Variants in RAD23B observed in about 807,000 individuals in gnomAD.
The protein encoded by RAD23B is lysine-specific demethylase RAD23B.
Under a neutral mutation model 49.1 loss-of-function variants are expected in RAD23B, and 5 were observed. That is an observed-to-expected ratio of 0.10 (90% CI 0.05 to 0.21). The LOEUF (loss-of-function observed/expected upper bound fraction) is 0.21. Ranked by LOEUF, RAD23B falls within the 10% of genes least tolerant of loss-of-function variation. The pLI, the probability that RAD23B is intolerant of heterozygous loss-of-function variation, is 1.00. For synonymous variants in RAD23B, 184 were observed against 165.4 expected (o/e 1.11, Z -0.86); for missense variants, 356 against 486.7 (o/e 0.73, Z 2.53).
chr9:107,286,975 T>C (rs1020010314), intron 1 of RAD23B, among the ~76,000 whole-genome samples: 2 of 151,374 alleles, frequency 1.3e-5, no homozygotes, highest in African/African-American at 4.9e-5. Flanking sequence ...CTTGGGAGGC[T>C]GAGGCAGGAG....
rs779086806 is a variant in RAD23B, at chr9:107,311,727, G to A, written c.543G>A (p.Thr181=). The change falls in exon 5 of 10, where the codon ACG becomes ACA. Residue 181 remains threonine (T), a synonymous_variant. Transcript: ENST00000358015. The part of the protein sequence containing the change: ...SSRSNLFEDA[T]SALVTGQSYE... ...GGTCAAACCTTTTTGAAGATGCAAC[G>A]AGTGCACTTGGTAAGTATCTGCTTT... 3 of 1,568,762 alleles carry A rather than the reference G, an allele frequency of 1.9e-6. No homozygotes were observed. Among genetic ancestry groups the A allele is most frequent in the African/African-American group, 2.8e-5 (2 of 71,602 alleles).
chr9:107,284,835 C>T, intron 1 of RAD23B: 1 of 1,226,792 alleles, frequency 8.2e-7, no homozygotes, highest in South Asian at 1.3e-5. Flanking sequence ...TTTGCTATGA[C>T]CTTGGGCAAA....
intron 9 of RAD23B, among the ~76,000 whole-genome samples, chr9:107,327,989 T>C (rs960936834): frequency 1.3e-5 from 2 of 152,340 alleles, no homozygotes; most frequent in Admixed American, 6.5e-5. Flanking sequence ...TCCTCTGATA[T>C]AGCCATTCTA....
At chr9:107,289,514 G>T (rs1833342964) in intron 1 of RAD23B, among the ~76,000 whole-genome samples, 3 of 152,108 alleles carry the variant, frequency 2.0e-5, no homozygotes, top group Admixed American at 2.0e-4. Flanking sequence ...GATTTTTAAA[G>T]GTTACTTTGA....
At chr9:107,317,575 A>G (rs1827021549) in intron 5 of RAD23B, among the ~76,000 whole-genome samples, 1 of 151,996 alleles carries the variant, frequency 6.6e-6, no homozygotes, top group South Asian at 2.1e-4. Flanking sequence ...TTTTTGTTTT[A>G]GAGTGAAATA....
In RAD23B at chr9:107,283,686, C is replaced by G. The variant is rs1266723860; in HGVS notation, c.57C>G (p.Pro19=). The change falls in exon 1 of 10, where the codon CCC becomes CCG. Residue 19 remains proline (P), a synonymous_variant. Coordinates refer to ENST00000358015, the MANE Select transcript of RAD23B (RefSeq NM_002874.5). The part of the protein sequence containing the change: ...QQQTFKIDID[P]EETVKALKEK... ...AGACCTTCAAGATAGACATTGACCC[C>G]GAGGAGACGGTATGCGCGCGGGCCG... The G allele has an allele frequency of 6.8e-6, 10 of 1,471,858 alleles. No homozygotes were observed. The highest frequency in any genetic ancestry group is 4.8e-5 in the Admixed American group (2 of 41,738). The allele number at this position is 1,471,858 out of a possible 1,614,324, so 91.2% of individuals were successfully genotyped here.
chr9:107,305,253 T>C (rs1402469272), intron 3 of RAD23B, among the ~76,000 whole-genome samples: 2 of 152,166 alleles, frequency 1.3e-5, no homozygotes, highest in Non-Finnish European at 2.9e-5. Context: ...CAGTGAGCTG[T>C]GATCATACCA....
chr9:107,294,815 A>G (rs1047782072), intron 1 of RAD23B, among the ~76,000 whole-genome samples: 1 of 152,166 alleles, frequency 6.6e-6, no homozygotes, highest in African/African-American at 2.4e-5. Flanking sequence ...CTAGGAGTAG[A>G]CACGATGGAT....
At chr9:107,328,359 T>C (rs1209115543) in intron 9 of RAD23B, among the ~76,000 whole-genome samples, 1 of 152,158 alleles carries the variant, frequency 6.6e-6, no homozygotes, top group African/African-American at 2.4e-5. Flanking sequence ...CGCAGTGATT[T>C]TGGGATGAAA....
rs1363696022 is a variant in RAD23B at position 107,330,218 on chromosome 9, G to A, written c.*562G>A. 6.6e-6 allele frequency: 1 copy of A among 152,596 alleles called. No homozygotes were observed. 9.5% of individuals were successfully genotyped at this position (152,596 alleles called of 1,614,324 possible). A position where few individuals can be genotyped will look rare whatever the true frequency, so the allele number is the denominator to read the frequency against. On this transcript the variant is annotated 3_prime_UTR_variant, in exon 10 of 10. Transcript: ENST00000358015. The surrounding 1 kb of genome is among the most constrained non-coding windows in gnomAD (Gnocchi z 4.4). ...CCCATTCTTTCATGTTAAATACTTGGGGTGGGAGGGGAGAAAGGGAACCTT... is the reference window on the plus strand; with the variant it reads ...CCCATTCTTTCATGTTAAATACTTGAGGTGGGAGGGGAGAAAGGGAACCTT...
chr9:107,302,936 G>A (rs1349432013), intron 3 of RAD23B, among the ~76,000 whole-genome samples: 1 of 152,112 alleles, frequency 6.6e-6, no homozygotes, highest in Non-Finnish European at 1.5e-5. Flanking sequence ...GATTACAGGC[G>A]TGAGCCACCG....
intron 4 of RAD23B, among the ~76,000 whole-genome samples, chr9:107,307,819 A>G (rs577396688): frequency 1.3e-5 from 2 of 152,174 alleles, no homozygotes; most frequent in Non-Finnish European, 2.9e-5. Context: ...GGTTTAGGCA[A>G]TAGAATATTT....
In RAD23B at chr9:107,311,739, T is replaced by TA; in HGVS notation, c.553+4dup. On this transcript the variant is annotated splice_region_variant and intron_variant, in intron 5 of 9. Coordinates refer to ENST00000358015, the MANE Select transcript of RAD23B (RefSeq NM_002874.5). ...TTGAAGATGCAACGAGTGCACTTGG[T>TA]AAGTATCTGCTTTTCCTTATAAATA... The TA allele has an allele frequency of 6.4e-7, 1 of 1,569,012 alleles. No homozygotes were observed. The highest frequency in any genetic ancestry group is 8.6e-7 in the Non-Finnish European group (1 of 1,164,816).
intron 8 of RAD23B, among the ~76,000 whole-genome samples, 185 bp from the exon 9 acceptor site, chr9:107,324,649 A>G (rs1043834009): frequency 1.3e-5 from 2 of 152,154 alleles, no homozygotes; most frequent in East Asian, 1.9e-4. Flanking sequence ...ACTTTGCCCA[A>G]AAGTACTGAA....
At chr9:107,287,074 CA>C (rs1227654857) in intron 1 of RAD23B, among the ~76,000 whole-genome samples, 3,938 of 94,212 alleles carry the variant, frequency 0.042, 119 homozygotes, top group African/African-American at 0.12. Flanking sequence ...GACTCCGTCT[CA>C]AAAAAAAAAA....
rs747733273 is a variant in RAD23B, at chr9:107,318,809, G to A, written c.611G>A (p.Arg204Gln). The A allele has an allele frequency of 5.6e-6, 9 of 1,613,336 alleles. No homozygotes were observed. The highest frequency in any genetic ancestry group is 1.3e-5 in the African/African-American group (1 of 74,858). The change falls in exon 6 of 10, where the codon CGA becomes CAA. Residue 204 changes from arginine (R) to glutamine (Q), a missense_variant. By Grantham distance (43) the Arg-to-Gln change is conservative (BLOSUM62 1). Transcript: ENST00000358015. The surrounding 1 kb of genome is among the most constrained non-coding windows in gnomAD (Gnocchi z 4.3). ...VTEIMSMGYE[R>Q]EQVIAALRAS... ...GAGATCATGTCAATGGGCTATGAAC[G>A]AGAGCAAGTAATTGCAGCCCTGAGA...
chr9:107,301,686 T>C (rs1391046811), intron 2 of RAD23B, among the ~76,000 whole-genome samples: 1 of 151,978 alleles, frequency 6.6e-6, no homozygotes, highest in African/African-American at 2.4e-5. Flanking sequence ...CATAGGCATG[T>C]GCCACAATGC....
chr9:107,290,174 G>A (rs1287237048), intron 1 of RAD23B, among the ~76,000 whole-genome samples: 1 of 152,182 alleles, frequency 6.6e-6, no homozygotes, highest in Non-Finnish European at 1.5e-5. Flanking sequence ...GAGACAGAAT[G>A]TCTACAAGGT....
chr9:107,321,647 T>C (rs1027711443), intron 6 of RAD23B, among the ~76,000 whole-genome samples: 1 of 152,200 alleles, frequency 6.6e-6, no homozygotes, highest in Non-Finnish European at 1.5e-5. Flanking sequence ...AAGGTACATG[T>C]ATCAATATTT....
Sources: allele counts gnomAD v4.1 joint callset (sites outside exome capture counted in the v4.1 genomes callset), GRCh38; gene constraint gnomAD v4.1.1; non-coding constraint Gnocchi (gnomAD v3.1); transcripts MANE v1.5; gene names NCBI Gene and HGNC (gene_info 2026-07-23, HGNC 2026-07-21).